NRG3: variants seen among roughly 807,000 people sequenced by gnomAD.
The protein encoded by NRG3 is neuregulin 3.
NRG3 carries 31 observed loss-of-function variants against 66.9 expected under a neutral mutation model. The ratio of observed to expected loss-of-function variants is 0.46; its 90% CI spans 0.35 to 0.63. NRG3 has a LOEUF of 0.63. NRG3 is among the 20% of genes least tolerant of loss of function. NRG3 has a pLI of 0.00. For missense variants in NRG3, 910 were observed against 878.9 expected, an observed-to-expected ratio of 1.04 and a Z score of -0.45; for synonymous variants, 393 against 359.4, an observed-to-expected ratio of 1.09 and a Z score of -1.06.
chr10:82,830,655 G>T (rs1391930737), intron 3 of NRG3, among the ~76,000 whole-genome samples: 1 of 152,124 alleles, frequency 6.6e-6, no homozygotes, highest in Non-Finnish European at 1.5e-5. Flanking sequence ...AAAAACGACT[G>T]CACATGAGAA....
chr10:82,528,069 C>T (rs1451869942), intron 2 of NRG3, among the ~76,000 whole-genome samples: 3 of 152,078 alleles, frequency 2.0e-5, no homozygotes, highest in Non-Finnish European at 2.9e-5. Context: ...CTTGTGACAA[C>T]AATAATATCT....
At chr10:82,869,607 T>TTTTATTTTA (rs1841099588) in intron 4 of NRG3, among the ~76,000 whole-genome samples, 1 of 148,086 alleles carries the variant, frequency 6.8e-6, no homozygotes, top group East Asian at 2.0e-4. Flanking sequence ...TTTTATTTTA[T>TTTTATTTTA]TTTATTTTAT....
At chr10:82,042,465 A>T (rs1322784345) in intron 1 of NRG3, among the ~76,000 whole-genome samples, 2 of 152,088 alleles carry the variant, frequency 1.3e-5, no homozygotes, top group East Asian at 3.9e-4. Context: ...ATTACTGATC[A>T]ATTTATGATC....
At chr10:82,754,706 C>T (rs955878772) in intron 3 of NRG3, among the ~76,000 whole-genome samples, 2 of 152,088 alleles carry the variant, frequency 1.3e-5, no homozygotes, top group African/African-American at 4.8e-5. Flanking sequence ...CAATCCTGTT[C>T]TATGTAGCTT....
chr10:82,100,052 C>T (rs908731297), intron 1 of NRG3, among the ~76,000 whole-genome samples: 22 of 150,622 alleles, frequency 1.5e-4, no homozygotes, highest in African/African-American at 5.4e-4. Context: ...AGATGGAATA[C>T]CTCTTTATTT....
intron 2 of NRG3, among the ~76,000 whole-genome samples, chr10:82,556,812 A>G (rs1257978500): frequency 6.6e-6 from 1 of 151,982 alleles, no homozygotes; most frequent in Non-Finnish European, 1.5e-5. Flanking sequence ...CCTGAAGTAG[A>G]TCCCAGTGTC....
At chr10:82,843,280 T>C (rs907104372) in intron 3 of NRG3, 6 of 453,044 alleles carry the variant, frequency 1.3e-5, no homozygotes, top group Non-Finnish European at 2.2e-5. Flanking sequence ...ACCCACCTTA[T>C]GGGTGGGACG....
chr10:81,886,638 G>A (rs1842634704), intron 1 of NRG3, among the ~76,000 whole-genome samples: 1 of 152,106 alleles, frequency 6.6e-6, no homozygotes, highest in Non-Finnish European at 1.5e-5. Flanking sequence ...GAAAAGCCTT[G>A]AGCTCTATAA....
Position 82,338,302 on chromosome 10 carries a change from C to T in NRG3, c.824-20437C>T, listed in dbSNP as rs192863340. Among the ~76,000 whole-genome samples, 680 of 145,094 alleles carry T rather than the reference C, an allele frequency of 4.7e-3. 2 individuals carry two copies. The highest frequency in any genetic ancestry group is 0.01 in the Admixed American group (155 of 15,006). ...AATAGCACATGAGAAATCCATGAAC[C>T]GCCCTGTGGAGGGCTTATTTATCTT... On this transcript the variant is annotated intron_variant, in intron 1 of 8. Coordinates refer to ENST00000372141, the MANE Select transcript of NRG3 (RefSeq NM_001010848.4).
In NRG3 at chr10:81,881,886, G is replaced by T. The variant is rs185677341; in HGVS notation, c.823+5723G>T. On this transcript the variant is annotated intron_variant, in intron 1 of 8. Coordinates refer to ENST00000372141, the MANE Select transcript of NRG3 (RefSeq NM_001010848.4). ...ACACTAGCGAAGGAATCCGTATGCA[G>T]ATTCTTTATAAATACAATAATAAAC... Among the ~76,000 whole-genome samples, 13 of 151,792 alleles carry T rather than the reference G, an allele frequency of 8.6e-5. No individual in the cohort carries two copies. In the East Asian group the frequency reaches 2.5e-3, roughly 29 times the overall value.
chr10:82,311,210 A>AGTGCG (rs2081007391), intron 1 of NRG3, among the ~76,000 whole-genome samples: 2 of 152,356 alleles, frequency 1.3e-5, no homozygotes, highest in Middle Eastern at 3.4e-3. Context: ...GTAAAGAGGA[A>AGTGCG]GTGCGGTCAT....
At chr10:81,933,632 A>G (rs534896136) in intron 1 of NRG3, among the ~76,000 whole-genome samples, 2 of 152,294 alleles carry the variant, frequency 1.3e-5, no homozygotes, top group South Asian at 2.1e-4. Context: ...AATTGTTTCT[A>G]CGGTACTCTA....
At chr10:82,403,862 G>A (rs568573863) in intron 2 of NRG3, among the ~76,000 whole-genome samples, 18 of 151,966 alleles carry the variant, frequency 1.2e-4, no homozygotes, top group African/African-American at 2.7e-4. Context: ...TCTCTAGGTC[G>A]TAGTTTTCCC....
chr10:82,372,737 G>A (rs1011615911), intron 2 of NRG3, among the ~76,000 whole-genome samples: 8 of 152,220 alleles, frequency 5.3e-5, no homozygotes, highest in African/African-American at 1.9e-4. Context: ...GAGATTACAG[G>A]CATGCACCAC....
At chr10:82,723,099 G>T (rs35887200) in intron 2 of NRG3, among the ~76,000 whole-genome samples, 38,569 of 151,976 alleles carry the variant, frequency 0.25, 5,109 homozygotes, top group African/African-American at 0.29. Flanking sequence ...GATTGGATAA[G>T]AAAAATGAGG....
chr10:82,724,082 A>T (rs550488047), intron 2 of NRG3, among the ~76,000 whole-genome samples: 29 of 152,074 alleles, frequency 1.9e-4, no homozygotes, highest in Non-Finnish European at 2.9e-4. Context: ...AAGAAAAAAA[A>T]ACAAGAAACA....
chr10:82,781,496 G>A (rs1406952116), intron 3 of NRG3, among the ~76,000 whole-genome samples: 1 of 152,060 alleles, frequency 6.6e-6, no homozygotes, highest in Non-Finnish European at 1.5e-5. Flanking sequence ...CTTCAAGGGA[G>A]GCCTCATGCC....
At chr10:82,423,144 T>TG (rs1314405737) in intron 2 of NRG3, among the ~76,000 whole-genome samples, 1 of 151,958 alleles carries the variant, frequency 6.6e-6, no homozygotes, top group Non-Finnish European at 1.5e-5. Context: ...GCTTGCCACT[T>TG]AAGATTATTT....
At chr10:81,963,696 CT>C (rs2059615967) in intron 1 of NRG3, among the ~76,000 whole-genome samples, 1 of 152,194 alleles carries the variant, frequency 6.6e-6, no homozygotes, top group African/African-American at 2.4e-5. Context: ...CACACGTCCA[CT>C]TTCATGATGC....
Sources: allele counts gnomAD v4.1 joint callset (sites outside exome capture counted in the v4.1 genomes callset), GRCh38; gene constraint gnomAD v4.1.1; transcripts MANE v1.5; gene names NCBI Gene and HGNC (gene_info 2026-07-23, HGNC 2026-07-21).